KRT6B: variants seen among roughly 807,000 people sequenced by gnomAD.
The protein encoded by KRT6B is keratin, type II cytoskeletal 6B.
A neutral mutation model predicts 44.7 loss-of-function variants in KRT6B; 29 were observed. The observed-to-expected ratio is 0.65, with a 90% CI of 0.48 to 0.88. The LOEUF (loss-of-function observed/expected upper bound fraction) is 0.88. Ranked by LOEUF, KRT6B falls within the 40% of genes least tolerant of loss-of-function variation. KRT6B has a pLI of 0.00. For synonymous variants in KRT6B, 213 were observed against 296.0 expected, an observed-to-expected ratio of 0.72 and a Z score of 2.88; for missense variants, 600 against 724.0, an observed-to-expected ratio of 0.83 and a Z score of 1.97.
Position 52,448,142 on chromosome 12 carries a change from T to C in KRT6B, c.1204-144A>G, listed in dbSNP as rs374835696. 3.1e-5 allele frequency: 35 copies of C among 1,142,062 alleles called. No homozygotes were observed. The East Asian group carries it at 7.4e-4, about 24-fold the overall frequency. The allele number at this position is 1,142,062 out of a possible 1,614,324, so 70.7% of individuals were successfully genotyped here. On this transcript the variant is annotated intron_variant, in intron 6 of 8. Coordinates refer to ENST00000252252, the MANE Select transcript of KRT6B (RefSeq NM_005555.4). ...TCTGACTCTTCCTGTCTAGCCTTTTTACTGTCTTCAAAGTTTTTACGTCTG... is the reference window on the plus strand; with the variant it reads ...TCTGACTCTTCCTGTCTAGCCTTTTCACTGTCTTCAAAGTTTTTACGTCTG...
chr12:52,447,395 T>C lies in KRT6B; in HGVS notation c.1490A>G (p.Tyr497Cys), dbSNP rs61746354. 0.049 allele frequency: 78,392 copies of C among 1,613,936 alleles called. 2,128 individuals are homozygous for C. The highest frequency in any genetic ancestry group is 0.056 in the South Asian group (5,078 of 91,068). ...SVVQSTVSSGYGGASGVGSGL... is the reference protein window; with the variant it reads ...SVVQSTVSSGCGGASGVGSGL... ...ACTGCCGACACCGCTGGCACCGCCA[T>C]AGCCACTGGAGACGGTGGACTGCAC... The change falls in exon 9 of 9, where the codon TAT (tyrosine) becomes TGT (cysteine). Residue 497 changes from tyrosine (Y) to cysteine (C), a missense_variant. Transcript: ENST00000252252.
chr12:52,447,924 C>A lies in KRT6B; in HGVS notation c.1278G>T (p.Lys426Asn). 3 of 1,614,198 alleles carry A rather than the reference C, an allele frequency of 1.9e-6. No individual in the cohort carries two copies. Among genetic ancestry groups the A allele is most frequent in the Non-Finnish European group, 2.5e-6 (3 of 1,180,048 alleles). Residue 426 changes from lysine (K) to asparagine (N), a missense_variant, in exon 7 of 9, where the codon AAG becomes AAT. This residue lies in a region of KRT6B where 479 missense variants were observed against 454.2 expected (regional missense o/e 1.05). Transcript: ENST00000252252. ...GEMALKDAKN[K>N]LEGLEDALQK... ...GCAGGGCATCCTCCAGCCCTTCCAG[C>A]TTGTTCTTAGCATCCTTGAGGGCCA...
rs566062730 is a variant in KRT6B at position 52,449,597 on chromosome 12, A to G, written c.949T>C (p.Ser317Pro). 1.9e-6 allele frequency: 3 copies of G among 1,614,172 alleles called. No individual in the cohort carries two copies. Among genetic ancestry groups the G allele is most frequent in the South Asian group, 2.2e-5 (2 of 91,074 alleles). Reference protein sequence around the residue: ...SQMQTHISDTSVVLSMDNNRN... With the variant: ...SQMQTHISDTPVVLSMDNNRN... ...TTGTTGTCCATGGATAGCACCACGG[A>G]TGTGTCTGAGATGTGGGTCTGCATC... The change falls in exon 5 of 9, where the codon TCC becomes CCC. Residue 317 changes from serine to proline, a missense_variant. Physicochemically the swap from Ser to Pro is moderately conservative, Grantham distance 74. Transcript: ENST00000252252.
intron 4 of KRT6B, 25 bp from the exon 5 acceptor site, chr12:52,449,658 C>T: frequency 6.2e-7 from 1 of 1,614,216 alleles, no homozygotes; most frequent in Non-Finnish European, 8.5e-7. Context: ...GTCATAAGAT[C>T]AACTTCACTT....
chr12:52,451,770 A>G lies in KRT6B; in HGVS notation c.309T>C (p.Gly103=). Residue 103 remains glycine (G), a synonymous_variant, in exon 1 of 9, where the codon GGT becomes GGC. Coordinates refer to ENST00000252252, the MANE Select transcript of KRT6B (RefSeq NM_005555.4). ...FGGAGSGFGF[G]GGAGIGFGLG... is the part of the protein sequence containing the mutation. ...GACCAAAGCCAATGCCGGCTCCACC[A>G]CCGAAACCAAATCCACTCCCGGCGC... 2.5e-6 allele frequency: 4 copies of G among 1,610,554 alleles called. No individual in the cohort carries two copies. Among genetic ancestry groups the G allele is most frequent in the Non-Finnish European group, 3.4e-6 (4 of 1,179,374 alleles).
At chr12:52,449,331 A>G in intron 5 of KRT6B, 138 bp downstream of exon 5, 1 of 1,348,924 alleles carries the variant, frequency 7.4e-7, no homozygotes, top group Non-Finnish European at 1.1e-6. Flanking sequence ...GCAAATGTCT[A>G]CTCTAATAGT....
intron 4 of KRT6B, 37 bp downstream of exon 4, chr12:52,449,721 C>A (rs1195965115): frequency 6.2e-7 from 1 of 1,613,988 alleles, no homozygotes; most frequent in Non-Finnish European, 8.5e-7. Flanking sequence ...TTTGCAGACC[C>A]CATCAGAGTA....
Position 52,450,036 on chromosome 12 carries a change from C to G in KRT6B, c.792G>C (p.Glu264Asp), listed in dbSNP as rs1231697461. ...EDEINKRTAAENEFVTLKKDV... is the reference protein window; with the variant it reads ...EDEINKRTAADNEFVTLKKDV... ...CCTTCTTCAGAGTCACAAATTCATT[C>G]TCTGCTGCTGTGCGCTTGTTGATTT... Residue 264 changes from glutamate to aspartate, a missense_variant, in exon 3 of 9, where the codon GAG becomes GAC. By Grantham distance (45) the Glu-to-Asp change is conservative. Around this residue, in one of 4 missense-constraint regions of KRT6B, gnomAD observed 479 missense variants for 454.2 expected, o/e 1.05. Transcript: ENST00000252252. The G allele has an allele frequency of 6.2e-7, 1 of 1,613,908 alleles. No homozygotes were observed. The highest frequency in any genetic ancestry group is 1.7e-5 in the Admixed American group (1 of 60,000).
In KRT6B at chr12:52,451,695, AG is replaced by A. The variant is rs1940406547; in HGVS notation, c.383del (p.Pro128LeufsTer18). ...CTTGGATGCCTCCAGGGGGGCACAC[AG>A]GGAAGCCAGGGCCCCCAAAGCCACC... ...LAGGFGGPGF[P>X]VCPPGGIQEV... is the part of the protein sequence containing the mutation. On this transcript the variant is annotated frameshift_variant, in exon 1 of 9. Transcript: ENST00000252252. LOFTEE classifies it high-confidence loss of function. 6.2e-7 allele frequency: 1 copy of A among 1,606,978 alleles called. No homozygotes were observed. The highest frequency in any genetic ancestry group is 8.5e-7 in the Non-Finnish European group (1 of 1,178,998).
Position 52,447,901 on chromosome 12 carries a change from A to G in KRT6B, c.1301T>C (p.Leu434Pro), listed in dbSNP as rs752669022. The G allele has an allele frequency of 4.8e-5, 77 of 1,614,028 alleles. No individual in the cohort carries two copies. The highest frequency in any genetic ancestry group is 5.9e-5 in the Non-Finnish European group (70 of 1,180,032). Residue 434 changes from leucine (L) to proline (P), a missense_variant, in exon 7 of 9, where the codon CTG (leucine) becomes CCG (proline). Leu to Pro is a moderately conservative substitution (Grantham distance 98). This residue lies in a region of KRT6B where 479 missense variants were observed against 454.2 expected (regional missense o/e 1.05). Coordinates refer to ENST00000252252, the MANE Select transcript of KRT6B (RefSeq NM_005555.4). ...GGCCAGGTCCTGCTTGGCCTTCTGC[A>G]GGGCATCCTCCAGCCCTTCCAGCTT... ...KNKLEGLEDA[L>P]QKAKQDLARL...
rs532425818 is a variant in KRT6B at position 52,446,939 on chromosome 12, C to T, written c.*251G>A. Reference sequence around the variant, plus strand: ...TTTCTTCTCAGAATTATGGCAGACTCAGATACCTGTAATAATACGGGAACT... The same window carrying T: ...TTTCTTCTCAGAATTATGGCAGACTTAGATACCTGTAATAATACGGGAACT... On this transcript the variant is annotated 3_prime_UTR_variant, in exon 9 of 9. Transcript: ENST00000252252. 6 of 575,742 alleles carry T rather than the reference C, an allele frequency of 1.0e-5. No individual in the cohort carries two copies. Among genetic ancestry groups the T allele is most frequent in the African/African-American group, 9.3e-5 (5 of 53,478 alleles). The allele number at this position is 575,742 out of a possible 1,614,324, so 35.7% of individuals were successfully genotyped here.
rs1048772687 is a variant in KRT6B, at chr12:52,448,123, T to A, written c.1204-125A>T. 4 of 1,238,506 alleles carry A rather than the reference T, an allele frequency of 3.2e-6. No homozygotes were observed. In the African/African-American group the frequency reaches 6.0e-5, roughly 18 times the overall value. 76.7% of individuals were successfully genotyped at this position (1,238,506 alleles called of 1,614,324 possible). A position where few individuals can be genotyped will look rare whatever the true frequency, so the allele number is the denominator to read the frequency against. On this transcript the variant is annotated intron_variant, in intron 6 of 8. Coordinates refer to ENST00000252252, the MANE Select transcript of KRT6B (RefSeq NM_005555.4). ...GAACTGATGGTAAATGAGCTCTGAC[T>A]CTTCCTGTCTAGCCTTTTTACTGTC... is the stretch of plus-strand genomic sequence containing the variant.
intron 5 of KRT6B, 120 bp downstream of exon 5, chr12:52,449,349 G>T: frequency 6.4e-6 from 9 of 1,411,214 alleles, no homozygotes; most frequent in Non-Finnish European, 8.0e-6. Context: ...AGTGCAGAGT[G>T]CATGTCCTGT....
At chr12:52,448,333 C>A (rs761355750) in intron 6 of KRT6B, among the ~76,000 whole-genome samples, 21 of 152,182 alleles carry the variant, frequency 1.4e-4, no homozygotes, top group Non-Finnish European at 2.8e-4. Flanking sequence ...ATGGATGCCA[C>A]AATAATTTGC....
intron 2 of KRT6B, 84 bp from the exon 3 acceptor site, chr12:52,450,156 A>C: frequency 6.2e-7 from 1 of 1,610,760 alleles, no homozygotes; most frequent in Non-Finnish European, 8.5e-7. Context: ...CATTTTCCTG[A>C]ATGGAATATA....
chr12:52,447,619 A>T (rs1940332178), intron 7 of KRT6B, 46 bp from the exon 8 acceptor site: 1 of 1,613,898 alleles, frequency 6.2e-7, no homozygotes, highest in Admixed American at 1.7e-5. Flanking sequence ...CTGGACGAGC[A>T]TGGGAAGCCT....
In KRT6B at chr12:52,446,991, C is replaced by G; in HGVS notation, c.*199G>C. 1.6e-6 allele frequency: 1 copy of G among 639,568 alleles called. No individual in the cohort carries two copies. Among genetic ancestry groups the G allele is most frequent in the Admixed American group, 2.9e-5 (1 of 34,024 alleles). The allele number at this position is 639,568 out of a possible 1,614,324, so 39.6% of individuals were successfully genotyped here. ...AAAAGGACATTCGCATGTCTGAGTG[C>G]TGATAACTGTTGACTTGATGGTAAG... On this transcript the variant is annotated 3_prime_UTR_variant, in exon 9 of 9. Coordinates refer to ENST00000252252, the MANE Select transcript of KRT6B (RefSeq NM_005555.4).
chr12:52,446,934 A>G lies in KRT6B; in HGVS notation c.*256T>C, dbSNP rs1376359314. On this transcript the variant is annotated 3_prime_UTR_variant, in exon 9 of 9. Coordinates refer to ENST00000252252, the MANE Select transcript of KRT6B (RefSeq NM_005555.4). ...GTCATTTTCTTCTCAGAATTATGGC[A>G]GACTCAGATACCTGTAATAATACGG... The G allele has an allele frequency of 3.5e-6, 2 of 567,128 alleles. No individual in the cohort carries two copies. The highest frequency in any genetic ancestry group is 2.2e-5 in the South Asian group (1 of 44,512). The allele number at this position is 567,128 out of a possible 1,614,324, so 35.1% of individuals were successfully genotyped here.
chr12:52,448,772 A>C, intron 6 of KRT6B, 70 bp downstream of exon 6: 1 of 1,612,832 alleles, frequency 6.2e-7, no homozygotes, highest in South Asian at 1.1e-5. Flanking sequence ...TTACTAAATG[A>C]TGGGTGACTA....
Sources: gnomAD v4.1 joint callset for allele counts (sites outside exome capture counted in the v4.1 genomes callset) on GRCh38, gnomAD v4.1.1 for gene constraint, gnomAD v4.1.1 regional missense constraint, MANE v1.5 for transcripts, NCBI Gene and HGNC (gene_info 2026-07-23, HGNC 2026-07-21) for gene names.